MEF2A: variants seen among roughly 807,000 people sequenced by gnomAD.
MEF2A encodes myocyte enhancer factor 2A, also known as myocyte-specific enhancer factor 2A.
A neutral mutation model predicts 55.8 loss-of-function variants in MEF2A; 28 were observed. The ratio of observed to expected loss-of-function variants is 0.50; its 90% confidence interval spans 0.37 to 0.69. The LOEUF is 0.69. Among genes scored for constraint, MEF2A ranks in the 30% least tolerant of loss-of-function variants. The pLI, the probability that MEF2A is intolerant of heterozygous loss-of-function variation, is 0.00. For missense variants in MEF2A, 528 were observed against 626.2 expected, an observed-to-expected ratio of 0.84 and a Z score of 1.67; for synonymous variants, 239 against 227.1, an observed-to-expected ratio of 1.05 and a Z score of -0.47.
Position 99,710,656 on chromosome 15 carries a change from C to T in MEF2A, c.1032C>T (p.Asp344=). The T allele has an allele frequency of 6.2e-7, 1 of 1,613,572 alleles. No homozygotes were observed. The highest frequency in any genetic ancestry group is 8.5e-7 in the Non-Finnish European group (1 of 1,179,482). The change falls in exon 11 of 12, where the codon GAC becomes GAT. Residue 344 remains aspartate, a synonymous_variant. Coordinates refer to ENST00000557942, the MANE Select transcript of MEF2A (RefSeq NM_001319206.4). The part of the protein sequence containing the change: ...YNTDYSLTSA[D]LSALQGFNSP... ...TAGATTATTCACTGACCAGCGCTGA[C>T]CTGTCAGCCCTTCAAGGCTTCAACT...
At chr15:99,595,318 A>C (rs1462493945) in intron 1 of MEF2A, among the ~76,000 whole-genome samples, 1 of 152,116 alleles carries the variant, frequency 6.6e-6, no homozygotes, top group East Asian at 1.9e-4. Flanking sequence ...CCCTGGATGC[A>C]TTGTCTATAG....
intron 4 of MEF2A, among the ~76,000 whole-genome samples, chr15:99,666,842 A>T (rs1431903674): frequency 6.6e-6 from 1 of 152,102 alleles, no homozygotes; most frequent in Non-Finnish European, 1.5e-5. Flanking sequence ...TTAGATCTTA[A>T]TAGCTTCCGA....
chr15:99,651,875 G>T (rs1168612393), intron 4 of MEF2A, among the ~76,000 whole-genome samples: 2 of 152,186 alleles, frequency 1.3e-5, no homozygotes, highest in Non-Finnish European at 2.9e-5. Context: ...TTCATGTGGG[G>T]AGGAAAAGAT....
chr15:99,697,185 A>AT (rs991482631), intron 8 of MEF2A, among the ~76,000 whole-genome samples: 13 of 151,544 alleles, frequency 8.6e-5, no homozygotes, highest in Admixed American at 1.3e-4. Context: ...AGGTAATGAT[A>AT]TTTTTTTTTC....
At chr15:99,620,553 G>T (rs1380595911) in intron 2 of MEF2A, among the ~76,000 whole-genome samples, 2 of 152,150 alleles carry the variant, frequency 1.3e-5, no homozygotes, top group African/African-American at 4.8e-5. Flanking sequence ...GTTCCATGGT[G>T]TATATGCATC....
intron 1 of MEF2A, among the ~76,000 whole-genome samples, chr15:99,578,456 G>C (rs1020639291): frequency 1.3e-5 from 2 of 152,156 alleles, no homozygotes; most frequent in Admixed American, 1.3e-4. Context: ...AAAAGTTTCT[G>C]AGAAACTTCA....
rs558818832 is a variant in MEF2A at position 99,620,315 on chromosome 15, T to C, written c.-142-12663T>C. Among the ~76,000 whole-genome samples the C allele has an allele frequency of 3.2e-4, 48 of 152,324 alleles. No individual in the cohort carries two copies. The South Asian group carries it at 5.2e-3, about 16-fold the overall frequency. ...CCCAAATAATAAGCACAGTAGGTGATAGTTTTTCAATCTTTACCCACCTCT... is the reference window on the plus strand; with the variant it reads ...CCCAAATAATAAGCACAGTAGGTGACAGTTTTTCAATCTTTACCCACCTCT... On this transcript the variant is annotated intron_variant, in intron 2 of 11. Coordinates refer to ENST00000557942, the MANE Select transcript of MEF2A (RefSeq NM_001319206.4).
In MEF2A at chr15:99,588,822, G is replaced by A. The variant is rs190455632; in HGVS notation, c.-224-9608G>A. On this transcript the variant is annotated intron_variant, in intron 1 of 11. Transcript: ENST00000557942. Reference sequence around the variant, plus strand: ...GTTTTGTTATTTCTCTATGTCTATTGGAATTAATCACATGGGTTTTTTTGG... The same window carrying A: ...GTTTTGTTATTTCTCTATGTCTATTAGAATTAATCACATGGGTTTTTTTGG... 3.3e-5 allele frequency among the ~76,000 whole-genome samples: 5 copies of A among 151,488 alleles called. No homozygotes were observed. The East Asian group carries it at 9.7e-4, about 29-fold the overall frequency.
At chr15:99,637,079 A>G (rs2044007725) in intron 3 of MEF2A, among the ~76,000 whole-genome samples, 1 of 148,768 alleles carries the variant, frequency 6.7e-6, no homozygotes, top group Non-Finnish European at 1.5e-5. Context: ...CACTGTTTTA[A>G]TTACTATAAT....
intron 7 of MEF2A, among the ~76,000 whole-genome samples, chr15:99,679,065 A>G (rs1243039922): frequency 1.3e-5 from 2 of 152,230 alleles, no homozygotes; most frequent in Non-Finnish European, 2.9e-5. Context: ...CAGAATTGCT[A>G]AGATGAAATA....
chr15:99,705,715 T>C (rs573071590), intron 9 of MEF2A, among the ~76,000 whole-genome samples: 2 of 152,372 alleles, frequency 1.3e-5, no homozygotes, highest in South Asian at 2.1e-4. Context: ...AAAATTGTGA[T>C]AGAGAAAATG....
intron 4 of MEF2A, among the ~76,000 whole-genome samples, chr15:99,649,907 T>C (rs1188205692): frequency 1.3e-5 from 2 of 152,204 alleles, no homozygotes; most frequent in Non-Finnish European, 2.9e-5. Flanking sequence ...GGCAGAAATA[T>C]TGAAAATACT....
chr15:99,713,165 G>T lies in MEF2A; in HGVS notation c.*394G>T. ...CCCCCTACTTGTTTTATTTAACTGTGCAGTGACTGTAGTTACTTAAGAGAA... is the reference window on the plus strand; with the variant it reads ...CCCCCTACTTGTTTTATTTAACTGTTCAGTGACTGTAGTTACTTAAGAGAA... On this transcript the variant is annotated 3_prime_UTR_variant, in exon 12 of 12. Transcript: ENST00000557942. 2.4e-6 allele frequency: 1 copy of T among 418,072 alleles called. No homozygotes were observed. The highest frequency in any genetic ancestry group is 4.2e-6 in the Non-Finnish European group (1 of 236,926). 25.9% of individuals were successfully genotyped at this position (418,072 alleles called of 1,614,324 possible). A position where few individuals can be genotyped will look rare whatever the true frequency, so the allele number is the denominator to read the frequency against.
At chr15:99,627,545 G>A (rs541041631) in intron 2 of MEF2A, among the ~76,000 whole-genome samples, 1 of 150,364 alleles carries the variant, frequency 6.7e-6, no homozygotes, top group African/African-American at 2.4e-5. Flanking sequence ...TTTAGGAAAA[G>A]TGTATTTTTA....
intron 7 of MEF2A, 32 bp downstream of exon 7, chr15:99,675,490 G>C: frequency 6.3e-7 from 1 of 1,577,512 alleles, no homozygotes. Flanking sequence ...TGTTTTGTAG[G>C]TATCTATCCT....
intron 7 of MEF2A, among the ~76,000 whole-genome samples, chr15:99,686,081 T>G (rs1202847100): frequency 1.3e-5 from 2 of 152,142 alleles, no homozygotes; most frequent in African/African-American, 2.4e-5. Flanking sequence ...TCCTCTAGAT[T>G]TTCTAGTATA....
chr15:99,708,077 G>A (rs1274700426), intron 10 of MEF2A, among the ~76,000 whole-genome samples: 1 of 152,338 alleles, frequency 6.6e-6, no homozygotes, highest in East Asian at 1.9e-4. Context: ...ACAGAACAAG[G>A]TTCCAGAGTA....
At chr15:99,690,157 TCAGA>T in intron 7 of MEF2A, 80 bp from the exon 8 acceptor site, 2 of 1,343,198 alleles carry the variant, frequency 1.5e-6, no homozygotes, top group Non-Finnish European at 2.1e-6. Context: ...TATTTGCAAC[TCAGA>T]CTGGGGAAAA....
chr15:99,638,126 A>G (rs954115553), intron 3 of MEF2A, among the ~76,000 whole-genome samples: 1 of 152,062 alleles, frequency 6.6e-6, no homozygotes, highest in African/African-American at 2.4e-5. Flanking sequence ...TTTTAGTTGT[A>G]TGATCATTTT....
Sources: gnomAD v4.1 joint callset for allele counts (sites outside exome capture counted in the v4.1 genomes callset) on GRCh38, gnomAD v4.1.1 for gene constraint, MANE v1.5 for transcripts, NCBI Gene and HGNC (gene_info 2026-07-23, HGNC 2026-07-21) for gene names.